The following DNMBP variants were observed in gnomAD, a reference collection of about 807,000 sequenced individuals.
The protein encoded by DNMBP is dynamin binding protein.
Under a neutral mutation model 150.0 loss-of-function variants are expected in DNMBP, and 87 were observed. That is an observed-to-expected ratio of 0.58 (90% CI 0.49 to 0.69). DNMBP has a LOEUF of 0.69. Ranked by LOEUF, DNMBP falls within the 30% of genes least tolerant of loss-of-function variation. DNMBP has a pLI of 0.00. For missense variants in DNMBP, 1,774 were observed against 1,949.0 expected, an observed-to-expected ratio of 0.91 and a Z score of 1.69; for synonymous variants, 711 against 750.4, an observed-to-expected ratio of 0.95 and a Z score of 0.86.
intron 1 of DNMBP, among the ~76,000 whole-genome samples, chr10:99,977,244 A>T (rs1408578112): frequency 6.6e-6 from 1 of 152,234 alleles, no homozygotes; most frequent in African/African-American, 2.4e-5. Flanking sequence ...GAGACCCAAA[A>T]GTATGTATAA....
At position 99,884,695 on chromosome 10, in the gene DNMBP, G is replaced by C. The variant is rs142788154; in HGVS notation, c.3799-486C>G. Among the ~76,000 whole-genome samples the C allele has an allele frequency of 1.9e-3, 294 of 152,018 alleles. 1 individual carries two copies. Among genetic ancestry groups the C allele is most frequent in the African/African-American group, 6.9e-3 (284 of 41,454 alleles). On this transcript the variant is annotated intron_variant, in intron 14 of 16. Coordinates refer to ENST00000324109, the MANE Select transcript of DNMBP (RefSeq NM_015221.4). ...AGGCCAAGGTGGGCAGATCACTTGA[G>C]GCCAGGACTTGGAGACCAGTCTGGT... is the stretch of plus-strand genomic sequence containing the variant.
intron 3 of DNMBP, among the ~76,000 whole-genome samples, chr10:99,967,973 A>C (rs1406636308): frequency 6.6e-6 from 1 of 152,182 alleles, no homozygotes; most frequent in Non-Finnish European, 1.5e-5. Context: ...AATCACTGAG[A>C]GATAGCTATG....
At chr10:99,998,032 A>C (rs564223301) in intron 1 of DNMBP, among the ~76,000 whole-genome samples, 16 of 150,974 alleles carry the variant, frequency 1.1e-4, no homozygotes, top group African/African-American at 3.4e-4. Flanking sequence ...TCAGGAGATC[A>C]AGACCATCCT....
chr10:100,001,390 T>G, intron 1 of DNMBP, among the ~76,000 whole-genome samples: 1 of 147,170 alleles, frequency 6.8e-6, no homozygotes, highest in Admixed American at 6.9e-5. Flanking sequence ...ACAAAACAAT[T>G]GTGATGGGGT....
chr10:99,890,633 A>G (rs561626410), intron 11 of DNMBP, among the ~76,000 whole-genome samples: 1 of 152,278 alleles, frequency 6.6e-6, no homozygotes, highest in Non-Finnish European at 1.5e-5. Context: ...AAACATACTC[A>G]GTAGCTGCCC....
At chr10:99,893,673 G>C (rs2039609959) in intron 11 of DNMBP, among the ~76,000 whole-genome samples, 1 of 152,212 alleles carries the variant, frequency 6.6e-6, no homozygotes, top group Non-Finnish European at 1.5e-5. Context: ...GTTGCAGTGA[G>C]CTGAGATTCT....
At chr10:99,910,238 C>G (rs2039883097) in intron 4 of DNMBP, among the ~76,000 whole-genome samples, 1 of 152,254 alleles carries the variant, frequency 6.6e-6, no homozygotes. Flanking sequence ...ACACTGCTTT[C>G]TCTCAGAAGT....
chr10:99,886,329 C>T lies in DNMBP; in HGVS notation c.3589G>A (p.Ala1197Thr). ...AEAHCDFVHQ[A>T]LEQLKPLLSL... ...AGCAGTGGCTTTAATTGCTCCAGAG[C>T]CTGGTGCACAAAGTCACAGTGGGCT... is the stretch of plus-strand genomic sequence containing the variant. Residue 1197 changes from alanine (A) to threonine (T), a missense_variant, in exon 13 of 17, where the codon GCT becomes ACT. Transcript: ENST00000324109. The T allele has an allele frequency of 6.2e-7, 1 of 1,613,794 alleles. No individual in the cohort carries two copies. The highest frequency in any genetic ancestry group is 8.5e-7 in the Non-Finnish European group (1 of 1,179,726).
At chr10:99,967,275 C>T (rs1482571575) in intron 3 of DNMBP, among the ~76,000 whole-genome samples, 1 of 152,054 alleles carries the variant, frequency 6.6e-6, no homozygotes. Context: ...AATAAATAAT[C>T]GCAGCACTTT....
rs1429861441 is a variant in DNMBP at position 100,001,401 on chromosome 10, TTTG to T, written c.-11+8434_-11+8436del. Among the ~76,000 whole-genome samples, 474 of 129,210 alleles carry T rather than the reference TTTG, an allele frequency of 3.7e-3. 34 individuals are homozygous for T. Among genetic ancestry groups the T allele is most frequent in the Middle Eastern group, 0.02 (5 of 254 alleles). 84.8% of individuals were successfully genotyped at this position (129,210 alleles called of 152,430 possible). ...GGAAACAAAACAATTGTGATGGGGT[TTTG>T]TTGTTGTTGTTTTTTTTTTTTTTTT... On this transcript the variant is annotated intron_variant, in intron 1 of 16. Transcript: ENST00000324109.
intron 11 of DNMBP, among the ~76,000 whole-genome samples, chr10:99,894,278 C>G (rs1238696690): frequency 1.3e-5 from 2 of 152,158 alleles, no homozygotes; most frequent in African/African-American, 4.8e-5. Flanking sequence ...TCTAAAAGAT[C>G]AGAGGGACAG....
chr10:99,975,600 G>A (rs1186891587), intron 1 of DNMBP, among the ~76,000 whole-genome samples: 1 of 152,122 alleles, frequency 6.6e-6, no homozygotes, highest in African/African-American at 2.4e-5. Context: ...GAAGTGGTAA[G>A]TGGGTATTTC....
chr10:99,962,956 A>G (rs1050688805), intron 3 of DNMBP, among the ~76,000 whole-genome samples: 1 of 151,154 alleles, frequency 6.6e-6, no homozygotes, highest in Non-Finnish European at 1.5e-5. Flanking sequence ...CTGCTATTTT[A>G]TTGGTTATTT....
chr10:99,977,722 A>G (rs1480220144), intron 1 of DNMBP, among the ~76,000 whole-genome samples: 2 of 152,166 alleles, frequency 1.3e-5, no homozygotes, highest in African/African-American at 4.8e-5. Flanking sequence ...TGAACAAACG[A>G]TTTGTTGAAG....
chr10:99,913,852 A>C (rs2039930848), intron 4 of DNMBP: 7 of 1,221,416 alleles, frequency 5.7e-6, no homozygotes, highest in Non-Finnish European at 7.2e-6. Flanking sequence ...TAATGGGGAA[A>C]ATTTTGAGCT....
At position 100,008,175 on chromosome 10, in the gene DNMBP, GA is replaced by G. The variant is rs561401876; in HGVS notation, c.-11+1662del. On this transcript the variant is annotated intron_variant, in intron 1 of 16. Coordinates refer to ENST00000324109, the MANE Select transcript of DNMBP (RefSeq NM_015221.4). Reference sequence around the variant, plus strand: ...GCGGATCACCTGAAGTCAGGAGCCAGAAAAGAGGAAGAGATTGATGGAACGT... The same window carrying G: ...GCGGATCACCTGAAGTCAGGAGCCAGAAAGAGGAAGAGATTGATGGAACGT... 2.6e-5 allele frequency among the ~76,000 whole-genome samples: 4 copies of G among 152,200 alleles called. No homozygotes were observed. The South Asian group carries it at 8.3e-4, about 31-fold the overall frequency.
intron 4 of DNMBP, among the ~76,000 whole-genome samples, chr10:99,909,505 C>G (rs1392925509): frequency 2.0e-5 from 3 of 152,104 alleles, no homozygotes; most frequent in Non-Finnish European, 4.4e-5. Flanking sequence ...GGTCCATGAT[C>G]AAAGCACCAG....
chr10:99,961,967 C>T (rs1254708437), intron 3 of DNMBP, among the ~76,000 whole-genome samples: 11 of 149,508 alleles, frequency 7.4e-5, no homozygotes, highest in African/African-American at 2.5e-4. Flanking sequence ...AGACCCTATT[C>T]CACACAAGGA....
Position 99,928,420 on chromosome 10 carries a change from C to T in DNMBP, c.2261-19274G>A, listed in dbSNP as rs2040106856. On this transcript the variant is annotated intron_variant, in intron 4 of 16. Transcript: ENST00000324109. ...TTCACATTCTCTGACTAACCTTTAT[C>T]CTCTGGTCACAGCCTGGACCCCAAA... Among the ~76,000 whole-genome samples, 3 of 152,182 alleles carry T rather than the reference C, an allele frequency of 2.0e-5. No homozygotes were observed. In the South Asian group the frequency reaches 6.2e-4, roughly 32 times the overall value.
Sources: gnomAD v4.1 joint callset for allele counts (sites outside exome capture counted in the v4.1 genomes callset) on GRCh38, gnomAD v4.1.1 for gene constraint, MANE v1.5 for transcripts, NCBI Gene and HGNC (gene_info 2026-07-23, HGNC 2026-07-21) for gene names.